DPP10: variants seen among roughly 807,000 people sequenced by gnomAD.
The protein encoded by DPP10 is inactive dipeptidyl peptidase 10.
In DPP10, 33 loss-of-function variants were observed where a neutral mutation model predicts 120.9. The observed-to-expected ratio is 0.27, with a 90% CI of 0.21 to 0.37. DPP10 has a LOEUF of 0.37. DPP10 is among the 10% of genes least tolerant of loss of function. The pLI, the probability that DPP10 is intolerant of heterozygous loss-of-function variation, is 1.00. For synonymous variants in DPP10, 337 were observed against 326.1 expected (o/e 1.03, Z -0.36); for missense variants, 816 against 942.8 (o/e 0.87, Z 1.76).
At chr2:115,580,220 G>A (rs2081935156) in intron 5 of DPP10, 1 of 152,180 alleles carries the variant, frequency 6.6e-6, no homozygotes. Flanking sequence ...TCTTATGGGG[G>A]AAGTATTGGT....
chr2:114,720,987 G>T (rs1558670002), intron 1 of DPP10, among the ~76,000 whole-genome samples: 1 of 152,212 alleles, frequency 6.6e-6, no homozygotes, highest in African/African-American at 2.4e-5. Context: ...TACCCAAATT[G>T]CAGCAGACTT....
In DPP10 at chr2:115,188,874, C is replaced by T. The variant is rs543717379; in HGVS notation, c.61-120365C>T. 4.9e-4 allele frequency among the ~76,000 whole-genome samples: 75 copies of T among 151,958 alleles called. 3 individuals carry two copies. In the South Asian group the frequency reaches 0.013, roughly 26 times the overall value. On this transcript the variant is annotated intron_variant, in intron 1 of 25. Coordinates refer to ENST00000410059, the MANE Select transcript of DPP10 (RefSeq NM_020868.6). ...AGCACACCTAAGGCTGTTCACTGTACGTCTATTTGTAATAGTGAAAGACTG... is the reference window on the plus strand; with the variant it reads ...AGCACACCTAAGGCTGTTCACTGTATGTCTATTTGTAATAGTGAAAGACTG...
At position 115,755,942 on chromosome 2, in the gene DPP10, G is replaced by GTA. The variant is rs1206039593; in HGVS notation, c.1074+2646_1074+2647insAT. Among the ~76,000 whole-genome samples the GTA allele has an allele frequency of 1.1e-3, 131 of 120,200 alleles. 1 individual carries two copies. Among genetic ancestry groups the GTA allele is most frequent in the African/African-American group, 3.0e-3 (121 of 40,188 alleles). The allele number at this position is 120,200 out of a possible 152,430, so 78.9% of individuals were successfully genotyped here. On this transcript the variant is annotated intron_variant, in intron 11 of 25. Coordinates refer to ENST00000410059, the MANE Select transcript of DPP10 (RefSeq NM_020868.6). The stretch of plus-strand genomic sequence containing the variant: ...ATGCTTTTTTAAAAAGTGTGTGTGT[G>GTA]TGTATATATATACATAAAACATTCC...
chr2:115,500,331 C>T (rs1207049046), intron 4 of DPP10, among the ~76,000 whole-genome samples: 1 of 151,794 alleles, frequency 6.6e-6, no homozygotes, highest in East Asian at 1.9e-4. Flanking sequence ...ATTAAAGTTT[C>T]AATAGACTGC....
Position 115,370,392 on chromosome 2 carries a change from T to C in DPP10, c.271+26480T>C, listed in dbSNP as rs575858341. Among the ~76,000 whole-genome samples the C allele has an allele frequency of 3.3e-3, 508 of 152,144 alleles. 2 individuals carry two copies. Among genetic ancestry groups the C allele is most frequent in the Non-Finnish European group, 5.6e-3 (382 of 67,998 alleles). On this transcript the variant is annotated intron_variant, in intron 3 of 25. Coordinates refer to ENST00000410059, the MANE Select transcript of DPP10 (RefSeq NM_020868.6). ...AATCCATGAAGAATTGACAGCTTGA[T>C]CTCGAAAGCTGTAGTGTATGTATGA...
In DPP10 at chr2:115,766,322, ATATGTATATATATATG is replaced by A. The variant is rs373581736; in HGVS notation, c.1114-1971_1114-1956del. Among the ~76,000 whole-genome samples, 25 of 74,112 alleles carry A rather than the reference ATATGTATATATATATG, an allele frequency of 3.4e-4. 1 individual carries two copies. Among genetic ancestry groups the A allele is most frequent in the African/African-American group, 1.1e-3 (21 of 19,818 alleles). 48.6% of individuals were successfully genotyped at this position (74,112 alleles called of 152,430 possible). A position where few individuals can be genotyped will look rare whatever the true frequency, so the allele number is the denominator to read the frequency against. On this transcript the variant is annotated intron_variant, in intron 12 of 25. Coordinates refer to ENST00000410059, the MANE Select transcript of DPP10 (RefSeq NM_020868.6). ...TGTGTGTGTGTGTGTATATATATATATATGTATATATATATGTATATATATATATATATCACTCTAT... is the reference window on the plus strand; with the variant it reads ...TGTGTGTGTGTGTGTATATATATATATATATATATATATATATCACTCTAT...
intron 1 of DPP10, among the ~76,000 whole-genome samples, chr2:114,577,654 TG>T (rs1690166910): frequency 6.6e-6 from 1 of 152,204 alleles, no homozygotes; most frequent in South Asian, 2.1e-4. Flanking sequence ...AACCACACTC[TG>T]GGTGGCTTAT....
At chr2:115,124,733 G>A (rs2049987336) in intron 1 of DPP10, among the ~76,000 whole-genome samples, 2 of 152,176 alleles carry the variant, frequency 1.3e-5, no homozygotes, top group African/African-American at 4.8e-5. Flanking sequence ...AGTTTGTAAT[G>A]AAATGGGAAA....
At chr2:115,485,892 A>G (rs2075749563) in intron 3 of DPP10, among the ~76,000 whole-genome samples, 1 of 152,062 alleles carries the variant, frequency 6.6e-6, no homozygotes, top group South Asian at 2.1e-4. Flanking sequence ...TCTTTCTATA[A>G]TGTCAACTGA....
intron 1 of DPP10, among the ~76,000 whole-genome samples, chr2:115,013,777 G>A (rs1702433918): frequency 6.6e-6 from 1 of 150,854 alleles, no homozygotes; most frequent in Admixed American, 6.6e-5. Context: ...ATCGATGCAA[G>A]CAACAAGAAA....
At chr2:114,764,306 G>A in intron 1 of DPP10, among the ~76,000 whole-genome samples, 1 of 74,794 alleles carries the variant, frequency 1.3e-5, no homozygotes, top group Non-Finnish European at 2.8e-5. Flanking sequence ...TTTTTATCAT[G>A]TTTCTGTTAC....
chr2:114,753,856 C>T (rs939451063), intron 1 of DPP10, among the ~76,000 whole-genome samples: 5 of 146,462 alleles, frequency 3.4e-5, no homozygotes, highest in African/African-American at 1.0e-4. Flanking sequence ...TTGCAGTGAG[C>T]CCAGATGGCG....
At position 115,499,512 on chromosome 2, in the gene DPP10, A is replaced by G. The variant is rs1261314411; in HGVS notation, c.274A>G (p.Thr92Ala). Residue 92 changes from threonine to alanine, a missense_variant and splice_region_variant, in exon 4 of 26, where the codon ACA (threonine) becomes GCA (alanine). By Grantham distance (58) the Thr-to-Ala change is moderately conservative. This residue lies in a region of DPP10 where 182 missense variants were observed against 207.4 expected (regional missense o/e 0.88). Coordinates refer to ENST00000410059, the MANE Select transcript of DPP10 (RefSeq NM_020868.6). ...TGTGAATGTCTTTGTTGTTGCAGAT[A>G]CAGATGTGGTGTATAAAAGCGAGAA... Reference protein sequence around the residue: ...HDPEARWINDTDVVYKSENGH... With the variant: ...HDPEARWINDADVVYKSENGH... 1.2e-6 allele frequency: 2 copies of G among 1,609,368 alleles called. No individual in the cohort carries two copies. Among genetic ancestry groups the G allele is most frequent in the Middle Eastern group, 1.7e-4 (1 of 6,050 alleles).
intron 1 of DPP10, among the ~76,000 whole-genome samples, chr2:114,942,352 TA>T (rs1558904171): frequency 4.2e-5 from 3 of 70,622 alleles, no homozygotes; most frequent in African/African-American, 1.6e-4. Context: ...TATATATACA[TA>T]TATATATACA....
intron 10 of DPP10, 103 bp downstream of exon 10, chr2:115,746,286 C>A: frequency 9.6e-7 from 1 of 1,042,948 alleles, no homozygotes; most frequent in Non-Finnish European, 1.4e-6. Flanking sequence ...AACAAATCCA[C>A]TTGAAAATAA....
intron 5 of DPP10, among the ~76,000 whole-genome samples, chr2:115,587,212 C>T (rs1488822268): frequency 6.6e-6 from 1 of 151,452 alleles, no homozygotes; most frequent in African/African-American, 2.4e-5. Context: ...ATTCTCCTGC[C>T]TCAGCTTCCC....
intron 1 of DPP10, among the ~76,000 whole-genome samples, chr2:114,506,981 C>G (rs1683718877): frequency 6.6e-6 from 1 of 152,080 alleles, no homozygotes; most frequent in Admixed American, 6.5e-5. Context: ...GACTAGCATC[C>G]TGCAATGGTT....
At chr2:115,345,004 A>G (rs2063639417) in intron 3 of DPP10, among the ~76,000 whole-genome samples, 2 of 152,196 alleles carry the variant, frequency 1.3e-5, no homozygotes, top group South Asian at 4.1e-4. Flanking sequence ...AGAGAATGTA[A>G]TTTAACCCAT....
chr2:115,629,112 C>T (rs1051508581), intron 5 of DPP10, among the ~76,000 whole-genome samples: 13 of 152,096 alleles, frequency 8.5e-5, no homozygotes, highest in African/African-American at 1.7e-4. Flanking sequence ...GATAGTTTCC[C>T]GCTTCATCCA....
Sources: gnomAD v4.1 joint callset for allele counts (sites outside exome capture counted in the v4.1 genomes callset) on GRCh38, gnomAD v4.1.1 for gene constraint, gnomAD v4.1.1 regional missense constraint, MANE v1.5 for transcripts, NCBI Gene and HGNC (gene_info 2026-07-23, HGNC 2026-07-21) for gene names.